The following SGCD variants were observed in gnomAD, a reference collection of about 807,000 sequenced individuals.
SGCD encodes sarcoglycan delta, also known as delta-sarcoglycan.
A neutral mutation model predicts 36.6 loss-of-function variants in SGCD; 18 were observed. The observed-to-expected ratio is 0.49, with a 90% CI of 0.34 to 0.73. The LOEUF is 0.73. Among genes scored for constraint, SGCD ranks in the 30% least tolerant of loss-of-function variants. The pLI, the probability that SGCD is intolerant of heterozygous loss-of-function variation, is 0.01. For missense variants in SGCD, 387 were observed against 346.7 expected, an observed-to-expected ratio of 1.12 and a Z score of -0.92; for synonymous variants, 133 against 130.6, an observed-to-expected ratio of 1.02 and a Z score of -0.12.
intron 1 of SGCD, among the ~76,000 whole-genome samples, chr5:155,940,806 C>T (rs1295624231): frequency 6.6e-6 from 1 of 152,088 alleles, no homozygotes; most frequent in Non-Finnish European, 1.5e-5. Flanking sequence ...GATCGTGCCA[C>T]TGCACTCCAG....
chr5:156,474,970 A>G (rs1314723000), intron 3 of SGCD, among the ~76,000 whole-genome samples: 1 of 152,212 alleles, frequency 6.6e-6, no homozygotes, highest in Non-Finnish European at 1.5e-5. Context: ...TAAAGACTAA[A>G]TGAGCTAATG....
chr5:155,769,981 GCTT>G, the SGCD span, among the ~76,000 whole-genome samples: 1 of 151,836 alleles, frequency 6.6e-6, no homozygotes, highest in Admixed American at 6.6e-5. Flanking sequence ...CATAGGACTT[GCTT>G]CTCCATTTTT....
rs796534223 is a variant in SGCD at position 156,258,610 on chromosome 5, A to G, written c.-43-70924A>G. 4.0e-4 allele frequency among the ~76,000 whole-genome samples: 61 copies of G among 152,314 alleles called. 1 individual carries two copies. Among genetic ancestry groups the G allele is most frequent in the African/African-American group, 1.4e-3 (59 of 41,574 alleles). On this transcript the variant is annotated intron_variant, in intron 3 of 9. Coordinates refer to the SGCD transcript ENST00000517913. ...TTCTCTATGTGGTCACATCTTCTTC[A>G]TATACTTCAACACACAAAAACAGGA...
At chr5:156,613,979 C>G (rs1223996012) in intron 6 of SGCD, among the ~76,000 whole-genome samples, 1 of 152,070 alleles carries the variant, frequency 6.6e-6, no homozygotes, top group Non-Finnish European at 1.5e-5. Flanking sequence ...CCTTCTTTTG[C>G]TGTGTCATCC....
intron 4 of SGCD, among the ~76,000 whole-genome samples, chr5:156,555,620 A>C (rs1758988641): frequency 6.7e-6 from 1 of 148,386 alleles, no homozygotes; most frequent in African/African-American, 2.5e-5. Flanking sequence ...TCATTATTAT[A>C]TCTTTGTAGT....
intron 3 of SGCD, among the ~76,000 whole-genome samples, chr5:156,185,284 G>T (rs1306099824): frequency 6.9e-6 from 1 of 145,226 alleles, no homozygotes; most frequent in Admixed American, 7.3e-5. Context: ...GCACAATCTC[G>T]GCTCACTGTA....
rs564587067 is a variant in SGCD, at chr5:156,072,969, C to T, written c.-281-44909C>T. 1.4e-4 allele frequency among the ~76,000 whole-genome samples: 22 copies of T among 152,278 alleles called. 1 individual carries two copies. Among genetic ancestry groups the T allele is most frequent in the East Asian group, 1.4e-3 (7 of 5,180 alleles). The stretch of plus-strand genomic sequence containing the variant: ...TCTTCACGTAGTTCTCGAGCCTTGG[C>T]TTTCAGCTCCATCAGCTCCTTTAAG... On this transcript the variant is annotated intron_variant, in intron 1 of 9. Coordinates refer to the SGCD transcript ENST00000517913.
In SGCD at chr5:156,349,787, C is replaced by T. The variant is rs529288370; in HGVS notation, c.192+5110C>T. Among the ~76,000 whole-genome samples the T allele has an allele frequency of 6.4e-4, 98 of 152,150 alleles. 1 individual carries two copies. In the Middle Eastern group the frequency reaches 0.014, roughly 21 times the overall value. ...AGTCATTATGTCAAAAAGAGACCTG[C>T]ATATGTATATTTTTTTTGCAGCACA... On this transcript the variant is annotated intron_variant, in intron 3 of 8. Coordinates refer to ENST00000337851, the MANE Select transcript of SGCD (RefSeq NM_000337.6).
At chr5:156,073,420 A>G (rs1288106294) in intron 1 of SGCD, among the ~76,000 whole-genome samples, 1 of 152,134 alleles carries the variant, frequency 6.6e-6, no homozygotes, top group African/African-American at 2.4e-5. Flanking sequence ...AAAGTTAGCT[A>G]GGAATGATGG....
chr5:155,817,851 A>G, the SGCD span, among the ~76,000 whole-genome samples: 1 of 152,248 alleles, frequency 6.6e-6, no homozygotes, highest in East Asian at 1.9e-4. Context: ...ACAGCTCTGC[A>G]GAATGAACAT....
chr5:156,269,406 C>T (rs1010548266), intron 3 of SGCD, among the ~76,000 whole-genome samples: 1 of 132,668 alleles, frequency 7.5e-6, no homozygotes, highest in African/African-American at 2.9e-5. Context: ...GGAGGCGGAG[C>T]CTGCAGTGAG....
chr5:156,298,576 C>CTTTTTTTTTTT (rs924228753), intron 3 of SGCD, among the ~76,000 whole-genome samples: 1 of 110,522 alleles, frequency 9.0e-6, no homozygotes, highest in African/African-American at 3.8e-5. Context: ...TTTTTCTTTT[C>CTTTTTTTTTTT]TTTTTTTTTT....
intron 6 of SGCD, among the ~76,000 whole-genome samples, chr5:156,612,022 G>C (rs1197741636): frequency 6.6e-6 from 1 of 152,100 alleles, no homozygotes; most frequent in East Asian, 1.9e-4. Context: ...GTAGCTCAAT[G>C]AGTTTCCTAA....
chr5:155,855,489 T>C, the SGCD span, among the ~76,000 whole-genome samples: 6 of 152,292 alleles, frequency 3.9e-5, 1 homozygote, highest in East Asian at 9.6e-4. Context: ...CAAAGTCAGC[T>C]TCTGGAGGAA....
chr5:156,746,497 C>T (rs1250132024), intron 7 of SGCD, among the ~76,000 whole-genome samples: 6 of 152,080 alleles, frequency 3.9e-5, no homozygotes, highest in African/African-American at 9.7e-5. Context: ...TTAAAGAATA[C>T]AGAACTAAGA....
the SGCD span, among the ~76,000 whole-genome samples, chr5:155,745,188 T>C: frequency 3.1e-4 from 47 of 152,252 alleles, no homozygotes; most frequent in East Asian, 8.1e-3. Context: ...CTAAGGAAAC[T>C]TGTAGAGACT....
intron 1 of SGCD, among the ~76,000 whole-genome samples, chr5:155,931,168 G>T (rs1248584038): frequency 6.6e-6 from 1 of 152,082 alleles, no homozygotes; most frequent in Non-Finnish European, 1.5e-5. Context: ...CTAAAGAAAA[G>T]AAAAGCTCTT....
At chr5:156,312,718 T>C (rs547248341) in intron 3 of SGCD, among the ~76,000 whole-genome samples, 2 of 152,264 alleles carry the variant, frequency 1.3e-5, no homozygotes, top group African/African-American at 4.8e-5. Context: ...TGGGGATAAT[T>C]CTAACTCCTA....
chr5:156,617,642 A>G (rs1762067768), intron 6 of SGCD, among the ~76,000 whole-genome samples: 1 of 152,186 alleles, frequency 6.6e-6, no homozygotes, highest in Admixed American at 6.5e-5. Flanking sequence ...GAGGAGAGGG[A>G]TCAGAGAGTC....
Sources: allele counts gnomAD v4.1 joint callset (sites outside exome capture counted in the v4.1 genomes callset), GRCh38; gene constraint gnomAD v4.1.1; transcripts MANE v1.5; gene names NCBI Gene and HGNC (gene_info 2026-07-23, HGNC 2026-07-21).